Variants in BMPR1B observed in about 807,000 individuals in gnomAD.
BMPR1B encodes bone morphogenetic protein receptor type 1B, also known as bone morphogenetic protein receptor type-1B.
BMPR1B carries 12 observed loss-of-function variants against 59.1 expected under a neutral mutation model. The observed-to-expected ratio is 0.20, with a 90% confidence interval of 0.13 to 0.33. BMPR1B has a LOEUF of 0.33. BMPR1B is among the 10% of genes least tolerant of loss of function. BMPR1B has a pLI of 1.00. For synonymous variants in BMPR1B, 237 were observed against 207.3 expected (o/e 1.14, Z -1.23); for missense variants, 550 against 610.9 (o/e 0.90, Z 1.05).
chr4:94,882,968 G>GTGTGTA (rs1560530750), intron 2 of BMPR1B, among the ~76,000 whole-genome samples: 1 of 137,102 alleles, frequency 7.3e-6, no homozygotes, highest in African/African-American at 2.9e-5. Flanking sequence ...GTGTGTGTGC[G>GTGTGTA]TGTGTGTGTA....
At chr4:95,072,054 T>C (rs1043070995) in intron 3 of BMPR1B, among the ~76,000 whole-genome samples, 1 of 152,074 alleles carries the variant, frequency 6.6e-6, no homozygotes, top group Non-Finnish European at 1.5e-5. Context: ...TGGCATGGTT[T>C]GAGGCAGAAG....
At chr4:94,934,451 T>C (rs990479186) in intron 2 of BMPR1B, among the ~76,000 whole-genome samples, 10 of 128,824 alleles carry the variant, frequency 7.8e-5, no homozygotes, top group Non-Finnish European at 1.5e-4. Context: ...TTCCCAGCTA[T>C]GGTTTTTTTT....
chr4:94,937,033 G>A (rs774311159), intron 2 of BMPR1B, among the ~76,000 whole-genome samples: 12 of 152,104 alleles, frequency 7.9e-5, no homozygotes, highest in Non-Finnish European at 1.3e-4. Context: ...GGCATGTAGC[G>A]TCCTCCAGCT....
intron 4 of BMPR1B, among the ~76,000 whole-genome samples, chr4:95,108,507 A>T (rs963257386): frequency 6.6e-6 from 1 of 152,052 alleles, no homozygotes; most frequent in African/African-American, 2.4e-5. Context: ...AGAACCTGAA[A>T]TCTCACATGC....
chr4:95,135,274 A>G (rs1034614343), intron 10 of BMPR1B, among the ~76,000 whole-genome samples: 2 of 152,112 alleles, frequency 1.3e-5, no homozygotes, highest in Non-Finnish European at 2.9e-5. Flanking sequence ...GCCTTGTAGT[A>G]TAGTTTGAAG....
intron 2 of BMPR1B, among the ~76,000 whole-genome samples, chr4:94,958,702 A>C (rs1197714550): frequency 6.6e-6 from 1 of 152,154 alleles, no homozygotes; most frequent in African/African-American, 2.4e-5. Context: ...AGCTCATAAC[A>C]GTAGGTCCAC....
chr4:95,085,691 C>T (rs1243811625), intron 3 of BMPR1B, among the ~76,000 whole-genome samples: 2 of 152,052 alleles, frequency 1.3e-5, no homozygotes, highest in Non-Finnish European at 2.9e-5. Context: ...AATATATAAG[C>T]AAAGTTATCA....
chr4:94,926,056 TCCC>T (rs112926290), intron 2 of BMPR1B, among the ~76,000 whole-genome samples: 1 of 40,114 alleles, frequency 2.5e-5, no homozygotes, highest in East Asian at 1.5e-3. Flanking sequence ...CTACCCTCCC[TCCC>T]CCCCAATCCC....
At chr4:94,758,921 T>C (rs1463245490) in intron 1 of BMPR1B, among the ~76,000 whole-genome samples, 1 of 83,440 alleles carries the variant, frequency 1.2e-5, no homozygotes, top group Non-Finnish European at 2.4e-5. Context: ...GCACAATCTT[T>C]TGGTCTCTCT....
At chr4:94,954,513 G>A (rs1730068100) in intron 2 of BMPR1B, among the ~76,000 whole-genome samples, 1 of 152,168 alleles carries the variant, frequency 6.6e-6, no homozygotes, top group African/African-American at 2.4e-5. Flanking sequence ...TTCAGTATGT[G>A]GAATGCACAA....
At chr4:94,882,539 C>A (rs1434302996) in intron 2 of BMPR1B, among the ~76,000 whole-genome samples, 10 of 152,180 alleles carry the variant, frequency 6.6e-5, no homozygotes, top group Non-Finnish European at 1.5e-4. Context: ...CTTATCTTGT[C>A]AATAACTCTT....
At chr4:95,083,752 T>TATAACCACTCC in intron 3 of BMPR1B, among the ~76,000 whole-genome samples, 1 of 152,356 alleles carries the variant, frequency 6.6e-6, no homozygotes, top group South Asian at 2.1e-4. Flanking sequence ...TTTACCACTC[T>TATAACCACTCC]ATAACCACTC....
At chr4:94,979,328 C>A (rs891037560) in intron 2 of BMPR1B, among the ~76,000 whole-genome samples, 4 of 152,138 alleles carry the variant, frequency 2.6e-5, no homozygotes, top group Non-Finnish European at 5.9e-5. Context: ...TGTTGACAGA[C>A]ACAGAATCTT....
rs112550388 is a variant in BMPR1B, at chr4:94,943,773, C to T, written c.-112-52267C>T. ...TAAACAACTAGTTAATGGCAGATGGCTTTTTAATTGTCCTGAATTCATTCT... is the reference window on the plus strand; with the variant it reads ...TAAACAACTAGTTAATGGCAGATGGTTTTTTAATTGTCCTGAATTCATTCT... On this transcript the variant is annotated intron_variant, in intron 2 of 12. Coordinates refer to ENST00000515059, the MANE Select transcript of BMPR1B (RefSeq NM_001203.3). Among the ~76,000 whole-genome samples, 51 of 152,258 alleles carry T rather than the reference C, an allele frequency of 3.3e-4. 1 individual carries two copies. In the South Asian group the frequency reaches 5.8e-3, roughly 17 times the overall value.
intron 3 of BMPR1B, among the ~76,000 whole-genome samples, chr4:95,039,705 C>G (rs1328061167): frequency 6.6e-6 from 1 of 152,206 alleles, no homozygotes; most frequent in East Asian, 1.9e-4. Flanking sequence ...GCAGCCCATG[C>G]TTGGCCATGA....
Position 94,999,202 on chromosome 4 carries a change from C to T in BMPR1B, c.-18+3068C>T, listed in dbSNP as rs183881445. ...GATTTTTAAATTTAATTCTTTTATG[C>T]TTCCCCAAGACCTAGCATATAACAA... On this transcript the variant is annotated intron_variant, in intron 3 of 12. Coordinates refer to ENST00000515059, the MANE Select transcript of BMPR1B (RefSeq NM_001203.3). Among the ~76,000 whole-genome samples the T allele has an allele frequency of 2.9e-3, 442 of 152,104 alleles. 1 individual carries two copies. Among genetic ancestry groups the T allele is most frequent in the African/African-American group, 0.01 (427 of 41,492 alleles).
intron 2 of BMPR1B, among the ~76,000 whole-genome samples, chr4:94,957,391 T>C (rs1159777223): frequency 1.4e-5 from 2 of 148,012 alleles, no homozygotes; most frequent in African/African-American, 2.5e-5. Flanking sequence ...GGAGAATGTA[T>C]ATAAGAATTT....
chr4:94,772,501 C>G (rs1722222714), intron 1 of BMPR1B, among the ~76,000 whole-genome samples: 1 of 152,052 alleles, frequency 6.6e-6, no homozygotes, highest in East Asian at 1.9e-4. Flanking sequence ...TTTTAAAATA[C>G]TTAATATTTA....
At chr4:94,979,747 C>T (rs747295797) in intron 2 of BMPR1B, among the ~76,000 whole-genome samples, 13 of 152,144 alleles carry the variant, frequency 8.5e-5, no homozygotes, top group East Asian at 5.8e-4. Context: ...TCATTTAAGG[C>T]GACGAATGTG....
Sources: allele counts gnomAD v4.1 joint callset (sites outside exome capture counted in the v4.1 genomes callset), GRCh38; gene constraint gnomAD v4.1.1; transcripts MANE v1.5; gene names NCBI Gene and HGNC (gene_info 2026-07-23, HGNC 2026-07-21).